The following AGAP1 variants were observed in gnomAD, a reference collection of about 807,000 sequenced individuals.
AGAP1 encodes arf-GAP with GTPase, ANK repeat and PH domain-containing protein 1.
In AGAP1, 29 loss-of-function variants were observed where a neutral mutation model predicts 105.3. The ratio of observed to expected loss-of-function variants is 0.28; its 90% CI spans 0.21 to 0.38. The LOEUF (loss-of-function observed/expected upper bound fraction) is 0.38, where lower values mean the gene tolerates loss of function less well. Ranked by LOEUF, AGAP1 falls within the 10% of genes least tolerant of loss-of-function variation. The probability of loss-of-function intolerance (pLI) is 1.00; values close to 1 mark genes in which losing one functional copy is unlikely to be tolerated. For missense variants in AGAP1, 998 were observed against 1,165.1 expected (o/e 0.86, Z 2.09); for synonymous variants, 509 against 485.9 (o/e 1.05, Z -0.63).
At chr2:235,896,028 G>A (rs763333731) in intron 10 of AGAP1, among the ~76,000 whole-genome samples, 7 of 152,066 alleles carry the variant, frequency 4.6e-5, no homozygotes, top group Admixed American at 2.0e-4. Flanking sequence ...TATCATATAC[G>A]TTCACGTTGT....
chr2:235,671,123 C>T (rs1948395459), intron 1 of AGAP1: 2 of 1,236,568 alleles, frequency 1.6e-6, no homozygotes, highest in Non-Finnish European at 2.0e-6. Flanking sequence ...GGTTCCGCAG[C>T]GGCTATGGGA....
rs1946489269 is a variant in AGAP1 at position 235,621,814 on chromosome 2, C to A, written c.164-87365C>A. On this transcript the variant is annotated intron_variant, in intron 1 of 17. Coordinates refer to ENST00000304032, the MANE Select transcript of AGAP1 (RefSeq NM_001037131.3). This position sits in a 1 kb window ranked among gnomAD's most constrained non-coding sequence, Gnocchi z 4.1. ...AACAGGAGAGGGCACATGGCAGTAA[C>A]CCCCTGGGAGCGGCTGCTGATGTTC... Among the ~76,000 whole-genome samples the A allele has an allele frequency of 6.6e-6, 1 of 152,222 alleles. No individual in the cohort carries two copies. Among genetic ancestry groups the A allele is most frequent in the Non-Finnish European group, 1.5e-5 (1 of 68,046 alleles).
intron 13 of AGAP1, among the ~76,000 whole-genome samples, chr2:235,975,936 A>G (rs1159314496): frequency 3.3e-5 from 5 of 152,254 alleles, no homozygotes; most frequent in Non-Finnish European, 7.3e-5. Flanking sequence ...TTAGCAAACC[A>G]CTGGTTAGTG....
rs940056354 is a variant in AGAP1, at chr2:235,739,132, C to T, written c.311-1831C>T. ...TATTACTCCTCGCCTGCTAGGACAT[C>T]ATCCCCTTTGCATCTGGGGACACTG... is the stretch of plus-strand genomic sequence containing the variant. On this transcript the variant is annotated intron_variant, in intron 3 of 17. Transcript: ENST00000304032. This position sits in a 1 kb window ranked among gnomAD's most constrained non-coding sequence, Gnocchi z 5.3. Among the ~76,000 whole-genome samples the T allele has an allele frequency of 6.6e-6, 1 of 152,176 alleles. No homozygotes were observed. Among genetic ancestry groups the T allele is most frequent in the African/African-American group, 2.4e-5 (1 of 41,438 alleles).
chr2:235,757,418 A>G (rs932514677), intron 6 of AGAP1, among the ~76,000 whole-genome samples: 1 of 152,134 alleles, frequency 6.6e-6, no homozygotes, highest in Non-Finnish European at 1.5e-5. Flanking sequence ...GTGTGGCCAC[A>G]GCCTTGTGGC....
At chr2:235,780,323 A>G (rs1956181616) in intron 6 of AGAP1, among the ~76,000 whole-genome samples, 1 of 152,212 alleles carries the variant, frequency 6.6e-6, no homozygotes, top group Non-Finnish European at 1.5e-5. Context: ...ATATATATGT[A>G]TTTCCACAGA....
intron 3 of AGAP1, among the ~76,000 whole-genome samples, chr2:235,731,876 T>C (rs949666334): frequency 1.3e-5 from 2 of 152,130 alleles, no homozygotes; most frequent in African/African-American, 2.4e-5. Context: ...TTGAGCTGGG[T>C]GGAGGCTCCT....
At chr2:235,950,055 G>C (rs1015694866) in intron 12 of AGAP1, among the ~76,000 whole-genome samples, 3 of 152,122 alleles carry the variant, frequency 2.0e-5, no homozygotes, top group Non-Finnish European at 4.4e-5. Context: ...GGAGATGCTT[G>C]GGCACAGAGA....
chr2:235,806,142 C>T (rs563678103), intron 8 of AGAP1, among the ~76,000 whole-genome samples: 1 of 152,170 alleles, frequency 6.6e-6, no homozygotes, highest in Non-Finnish European at 1.5e-5. Flanking sequence ...ATCAGCTGTT[C>T]CAGCTCACAT....
In AGAP1 at chr2:235,874,364, G is replaced by C. The variant is rs778040515; in HGVS notation, c.1051-8981G>C. 6.6e-6 allele frequency among the ~76,000 whole-genome samples: 1 copy of C among 152,178 alleles called. No individual in the cohort carries two copies. Among genetic ancestry groups the C allele is most frequent in the Non-Finnish European group, 1.5e-5 (1 of 68,036 alleles). Reference sequence around the variant, plus strand: ...GTGCCCGGCCCAGAACCACATTCTTGAGCTGAGCTCCCGAGGGTACCTGGT... The same window carrying C: ...GTGCCCGGCCCAGAACCACATTCTTCAGCTGAGCTCCCGAGGGTACCTGGT... On this transcript the variant is annotated intron_variant, in intron 9 of 17. Coordinates refer to ENST00000304032, the MANE Select transcript of AGAP1 (RefSeq NM_001037131.3). This position sits in a 1 kb window ranked among gnomAD's most constrained non-coding sequence, Gnocchi z 4.5.
intron 12 of AGAP1, among the ~76,000 whole-genome samples, chr2:235,938,590 A>G (rs893496534): frequency 6.6e-6 from 1 of 152,242 alleles, no homozygotes; most frequent in Non-Finnish European, 1.5e-5. Context: ...ATAATGGAAC[A>G]GGAGTACCGG....
Position 235,973,992 on chromosome 2 carries a change from C to G in AGAP1, c.1645+5369C>G, listed in dbSNP as rs1310110093. ...CAGTACTTTCTGGGCATCTTCATATCTCGGGTCCAGTAGTGAGGTTGTCAT... is the reference window on the plus strand; with the variant it reads ...CAGTACTTTCTGGGCATCTTCATATGTCGGGTCCAGTAGTGAGGTTGTCAT... On this transcript the variant is annotated intron_variant, in intron 13 of 17. Coordinates refer to ENST00000304032, the MANE Select transcript of AGAP1 (RefSeq NM_001037131.3). The surrounding 1 kb of genome is among the most constrained non-coding windows in gnomAD (Gnocchi z 4.7). 1.3e-5 allele frequency among the ~76,000 whole-genome samples: 2 copies of G among 152,212 alleles called. No homozygotes were observed. Among genetic ancestry groups the G allele is most frequent in the Admixed American group, 6.5e-5 (1 of 15,286 alleles).
Position 235,930,945 on chromosome 2 carries a change from C to G in AGAP1, c.1483+22C>G. 6.2e-7 allele frequency: 1 copy of G among 1,609,620 alleles called. No individual in the cohort carries two copies. The highest frequency in any genetic ancestry group is 8.5e-7 in the Non-Finnish European group (1 of 1,177,756). On this transcript the variant is annotated intron_variant, in intron 12 of 17. Coordinates refer to ENST00000304032, the MANE Select transcript of AGAP1 (RefSeq NM_001037131.3). This position sits in a 1 kb window ranked among gnomAD's most constrained non-coding sequence, Gnocchi z 7.9. ...AGTGGTAAGAGGGGGCTCAGCCCCA[C>G]GGACCCGCAGCCACCTCAAGGTCCT... is the stretch of plus-strand genomic sequence containing the variant.
intron 1 of AGAP1, among the ~76,000 whole-genome samples, chr2:235,673,844 T>G (rs566010680): frequency 4.3e-4 from 66 of 152,374 alleles, no homozygotes; most frequent in Middle Eastern, 3.4e-3. Context: ...TCTTTTCATA[T>G]TCTTTAAAAG....
At chr2:236,054,650 A>G (rs1271678616) in intron 16 of AGAP1, among the ~76,000 whole-genome samples, 3 of 152,188 alleles carry the variant, frequency 2.0e-5, no homozygotes, top group Admixed American at 1.3e-4. Context: ...AACACGCATA[A>G]CAAGCTACCG....
Position 236,120,497 on chromosome 2 carries a change from C to A in AGAP1, c.2370+50C>A. 6.2e-7 allele frequency: 1 copy of A among 1,600,434 alleles called. No individual in the cohort carries two copies. The highest frequency in any genetic ancestry group is 8.5e-7 in the Non-Finnish European group (1 of 1,174,952). ...AGGACGGGGCCACAGGAGGCACTCT[C>A]TGCTTTGTTCTGCTTCCGTGGGCAT... On this transcript the variant is annotated intron_variant, in intron 17 of 17. Coordinates refer to ENST00000304032, the MANE Select transcript of AGAP1 (RefSeq NM_001037131.3). This position sits in a 1 kb window ranked among gnomAD's most constrained non-coding sequence, Gnocchi z 6.0.
At chr2:235,949,424 T>C (rs1559683975) in intron 12 of AGAP1, among the ~76,000 whole-genome samples, 1 of 152,168 alleles carries the variant, frequency 6.6e-6, no homozygotes, top group Admixed American at 6.5e-5. Context: ...GGGGGTGCTC[T>C]TCCCAAGGAG....
intron 11 of AGAP1, among the ~76,000 whole-genome samples, chr2:235,917,612 T>G (rs1008523415): frequency 5.9e-5 from 9 of 151,786 alleles, no homozygotes; most frequent in Non-Finnish European, 1.2e-4. Context: ...GTGGTGCACT[T>G]GGGGGAGAGA....
intron 1 of AGAP1, among the ~76,000 whole-genome samples, chr2:235,524,985 G>A (rs1461075889): frequency 6.6e-6 from 1 of 152,210 alleles, no homozygotes; most frequent in Non-Finnish European, 1.5e-5. Flanking sequence ...TATATCATGT[G>A]TTCCTCCTTA....
Sources: gnomAD v4.1 joint callset for allele counts (sites outside exome capture counted in the v4.1 genomes callset) on GRCh38, gnomAD v4.1.1 for gene constraint, Gnocchi (gnomAD v3.1) non-coding constraint, MANE v1.5 for transcripts, NCBI Gene and HGNC (gene_info 2026-07-23, HGNC 2026-07-21) for gene names.